GALNT14: variants seen among roughly 807,000 people sequenced by gnomAD.
GALNT14 encodes UDP-GalNAc:polypeptide N-acetylgalactosaminyltransferase 14.
A neutral mutation model predicts 77.5 loss-of-function variants in GALNT14; 60 were observed. The observed-to-expected ratio is 0.77, with a 90% CI of 0.63 to 0.96. GALNT14 has a LOEUF of 0.96. Ranked by LOEUF, GALNT14 falls within the 40% of genes least tolerant of loss-of-function variation. GALNT14 has a pLI of 0.00. For synonymous variants in GALNT14, 280 were observed against 281.7 expected (o/e 0.99, Z 0.06); for missense variants, 710 against 731.0 (o/e 0.97, Z 0.33).
At chr2:31,032,189 A>T (rs1672457342) in intron 1 of GALNT14, among the ~76,000 whole-genome samples, 1 of 152,216 alleles carries the variant, frequency 6.6e-6, no homozygotes, top group Non-Finnish European at 1.5e-5. Context: ...GCAAAGCCCT[A>T]ACCTACAAAA....
chr2:31,076,627 A>T lies in GALNT14; in HGVS notation c.129+61331T>A, dbSNP rs147102000. Among the ~76,000 whole-genome samples the T allele has an allele frequency of 2.6e-3, 308 of 120,074 alleles. 1 individual carries two copies. Among genetic ancestry groups the T allele is most frequent in the East Asian group, 3.4e-3 (17 of 4,930 alleles). The allele number at this position is 120,074 out of a possible 152,430, so 78.8% of individuals were successfully genotyped here. A position where few individuals can be genotyped will look rare whatever the true frequency, so the allele number is the denominator to read the frequency against. On this transcript the variant is annotated intron_variant, in intron 1 of 14. Transcript: ENST00000349752. Reference sequence around the variant, plus strand: ...GGTGTGTATACATATATATATATATATATTTTTTTTTTTTTTACATGTACA... The same window carrying T: ...GGTGTGTATACATATATATATATATTTATTTTTTTTTTTTTTACATGTACA...
chr2:30,905,819 G>A (rs1400072442), downstream of GALNT14, among the ~76,000 whole-genome samples: 2 of 150,690 alleles, frequency 1.3e-5, no homozygotes, highest in African/African-American at 2.4e-5. Flanking sequence ...GAGAAAGGTC[G>A]GGTTACCCTC....
At chr2:30,947,403 A>G (rs1397258168) in intron 6 of GALNT14, among the ~76,000 whole-genome samples, 1 of 152,266 alleles carries the variant, frequency 6.6e-6, no homozygotes, top group South Asian at 2.1e-4. Flanking sequence ...AAAATCATGC[A>G]GGAAACATTT....
intron 1 of GALNT14, among the ~76,000 whole-genome samples, chr2:31,093,825 G>A (rs1187818894): frequency 5.3e-5 from 8 of 152,354 alleles, no homozygotes; most frequent in African/African-American, 1.9e-4. Context: ...ACATTTGTGA[G>A]CATGGAACAG....
At chr2:31,063,830 G>T (rs1254656022) in intron 1 of GALNT14, among the ~76,000 whole-genome samples, 1 of 152,008 alleles carries the variant, frequency 6.6e-6, no homozygotes, top group Non-Finnish European at 1.5e-5. Flanking sequence ...ATTCTGAATG[G>T]GAGTTCACTC....
intron 2 of GALNT14, among the ~76,000 whole-genome samples, chr2:30,974,587 A>G (rs1668533111): frequency 6.6e-6 from 1 of 152,204 alleles, no homozygotes; most frequent in Non-Finnish European, 1.5e-5. Context: ...TCTCCCATAT[A>G]TCTGAAATGC....
chr2:30,955,209 C>T (rs2148316410), intron 6 of GALNT14, among the ~76,000 whole-genome samples: 1 of 152,206 alleles, frequency 6.6e-6, no homozygotes, highest in South Asian at 2.1e-4. Context: ...ACAGAGGCCC[C>T]AGGAATTAGG....
chr2:30,921,067 C>G (rs1034069693), intron 13 of GALNT14, among the ~76,000 whole-genome samples: 1 of 152,178 alleles, frequency 6.6e-6, no homozygotes, highest in African/African-American at 2.4e-5. Context: ...TGCTGTCCCT[C>G]CCCTTTTTCA....
At chr2:31,026,892 A>C (rs980904167) in intron 1 of GALNT14, among the ~76,000 whole-genome samples, 4 of 151,906 alleles carry the variant, frequency 2.6e-5, no homozygotes, top group Non-Finnish European at 5.9e-5. Flanking sequence ...AACCTAAGGT[A>C]TGAAATGTAT....
intron 1 of GALNT14, among the ~76,000 whole-genome samples, chr2:31,014,596 C>A (rs952511043): frequency 6.6e-6 from 1 of 152,182 alleles, no homozygotes; most frequent in Admixed American, 6.5e-5. Context: ...ATATGACTAG[C>A]CCTGAGGAAC....
the GALNT14 span, among the ~76,000 whole-genome samples, chr2:30,888,239 G>A: frequency 2.4e-4 from 36 of 152,110 alleles, no homozygotes; most frequent in Non-Finnish European, 4.9e-4. Context: ...GCTGCACCAG[G>A]CCACTCTAGC....
chr2:31,078,975 G>C (rs1443054049), intron 1 of GALNT14: 4 of 1,289,316 alleles, frequency 3.1e-6, no homozygotes, highest in South Asian at 1.2e-5. Context: ...CCATGCCTGG[G>C]AGGGAGAGCA....
downstream of GALNT14, among the ~76,000 whole-genome samples, chr2:30,906,628 C>T (rs1394982694): frequency 6.6e-6 from 1 of 150,800 alleles, no homozygotes; most frequent in East Asian, 2.0e-4. Flanking sequence ...TAACACCCCA[C>T]TGTCAACATT....
intron 1 of GALNT14, among the ~76,000 whole-genome samples, chr2:31,116,811 G>A (rs1211716935): frequency 7.9e-5 from 12 of 152,104 alleles, no homozygotes; most frequent in East Asian, 1.9e-4. Context: ...TTGGGAGGCC[G>A]AGGCAGGCAG....
chr2:31,073,034 C>T (rs1393556899), intron 1 of GALNT14: 1 of 152,234 alleles, frequency 6.6e-6, no homozygotes, highest in East Asian at 1.9e-4. Context: ...CCTCCCTGCA[C>T]TGCTTGAGTG....
intron 6 of GALNT14, among the ~76,000 whole-genome samples, chr2:30,953,943 G>A (rs1399493025): frequency 1.3e-5 from 2 of 152,158 alleles, no homozygotes; most frequent in Admixed American, 1.3e-4. Flanking sequence ...AGGCAGGGTG[G>A]CCACAAGGAG....
At chr2:31,101,543 A>G (rs1489236683) in intron 1 of GALNT14, among the ~76,000 whole-genome samples, 1 of 151,760 alleles carries the variant, frequency 6.6e-6, no homozygotes, top group Non-Finnish European at 1.5e-5. Context: ...CATTTGGGTA[A>G]TTTTTATTTT....
intron 9 of GALNT14, among the ~76,000 whole-genome samples, chr2:30,941,838 T>C (rs1666393742): frequency 6.6e-6 from 1 of 152,240 alleles, no homozygotes; most frequent in African/African-American, 2.4e-5. Flanking sequence ...AATTTTCAAA[T>C]GCATCACTCC....
chr2:31,055,550 C>T (rs1674153137), intron 1 of GALNT14, among the ~76,000 whole-genome samples: 1 of 152,128 alleles, frequency 6.6e-6, no homozygotes, highest in Non-Finnish European at 1.5e-5. Context: ...CTCTGGTGTG[C>T]CCCTGCTACC....
Sources: gnomAD v4.1 joint callset for allele counts (sites outside exome capture counted in the v4.1 genomes callset) on GRCh38, gnomAD v4.1.1 for gene constraint, MANE v1.5 for transcripts, NCBI Gene and HGNC (gene_info 2026-07-23, HGNC 2026-07-21) for gene names.